Variants in ELMO1 observed in about 807,000 individuals in gnomAD.
The protein encoded by ELMO1 is engulfment and cell motility 1, also known as engulfment and cell motility protein 1.
Under a neutral mutation model 98.9 loss-of-function variants are expected in ELMO1, and 26 were observed. The observed-to-expected ratio is 0.26, with a 90% confidence interval of 0.19 to 0.36. The LOEUF is 0.36. Among genes scored for constraint, ELMO1 ranks in the 10% least tolerant of loss-of-function variants. The pLI is 1.00. For missense variants in ELMO1, 627 were observed against 935.2 expected (o/e 0.67, Z 4.30); for synonymous variants, 346 against 346.0 (o/e 1.00, Z 0.00).
intron 4 of ELMO1, among the ~76,000 whole-genome samples, chr7:37,294,967 C>A (rs371722722): frequency 6.6e-6 from 1 of 151,390 alleles, no homozygotes; most frequent in Non-Finnish European, 1.5e-5. Context: ...CCATCGCACT[C>A]CAGCCTGGGC....
rs745430226 is a variant in ELMO1 at position 37,342,685 on chromosome 7, C to T, written c.6G>A (p.Pro2=). The T allele has an allele frequency of 1.3e-5, 21 of 1,609,270 alleles. No homozygotes were observed. The highest frequency in any genetic ancestry group is 3.3e-5 in the South Asian group (3 of 90,512). The change falls in exon 2 of 22, where the codon CCG becomes CCA. Residue 2 remains proline (P), a synonymous_variant. Coordinates refer to ENST00000310758, the MANE Select transcript of ELMO1 (RefSeq NM_014800.11). This position sits in a 1 kb window ranked among gnomAD's most constrained non-coding sequence, Gnocchi z 4.3. M[P]PPADIVKVAI... Reference sequence around the variant, plus strand: ...CCACCTTGACGATGTCCGCGGGTGGCGGCATTGTAAGTCCCCAAAATGTTC... The same window carrying T: ...CCACCTTGACGATGTCCGCGGGTGGTGGCATTGTAAGTCCCCAAAATGTTC...
intron 20 of ELMO1, among the ~76,000 whole-genome samples, chr7:36,864,673 C>G (rs1317298101): frequency 1.3e-5 from 2 of 152,186 alleles, no homozygotes; most frequent in African/African-American, 4.8e-5. Flanking sequence ...GGAGAAGGCG[C>G]CAGGTGGTGG....
intron 2 of ELMO1, among the ~76,000 whole-genome samples, chr7:37,341,430 G>A (rs560697494): frequency 2.0e-5 from 3 of 152,226 alleles, no homozygotes; most frequent in South Asian, 2.1e-4. Flanking sequence ...AAATATATCC[G>A]AAACTATTAG....
At chr7:37,155,704 G>GACTCCC (rs1788711449) in intron 13 of ELMO1, among the ~76,000 whole-genome samples, 2 of 152,178 alleles carry the variant, frequency 1.3e-5, no homozygotes, top group South Asian at 4.2e-4. Context: ...AAGAGACTCA[G>GACTCCC]ACTCCCACTA....
intron 14 of ELMO1, among the ~76,000 whole-genome samples, chr7:37,129,445 G>T (rs1786753331): frequency 6.6e-6 from 1 of 152,204 alleles, no homozygotes; most frequent in Admixed American, 6.5e-5. Flanking sequence ...AGATCTCACT[G>T]CCTACGGCAT....
At chr7:36,895,140 T>TGC in intron 16 of ELMO1, 123 bp from the exon 17 acceptor site, 4 of 1,078,324 alleles carry the variant, frequency 3.7e-6, no homozygotes, top group Non-Finnish European at 5.3e-6. Context: ...AGCATTAACC[T>TGC]TGAGCATGCT....
At chr7:37,211,189 T>C (rs1584814462) in intron 13 of ELMO1, 197 bp downstream of exon 13, 3 of 685,618 alleles carry the variant, frequency 4.4e-6, no homozygotes, top group East Asian at 5.8e-5. Flanking sequence ...GTCACACTTG[T>C]GCAAGTTATT....
At chr7:36,957,925 C>T (rs1429174810) in intron 16 of ELMO1, among the ~76,000 whole-genome samples, 1 of 152,198 alleles carries the variant, frequency 6.6e-6, no homozygotes, top group Non-Finnish European at 1.5e-5. Context: ...CCCTCCAGAT[C>T]CTGTCTCTTT....
At position 37,233,090 on chromosome 7, in the gene ELMO1, C is replaced by A. The variant is rs1794272000; in HGVS notation, c.549+5G>T. On this transcript the variant is annotated splice_donor_5th_base_variant and intron_variant, in intron 8 of 21. Transcript: ENST00000310758. ...GAAAGCCTAAAGAGGCAGAGTCCAC[C>A]TTACCTTCTTAATGAACGCCACCGA... is the stretch of plus-strand genomic sequence containing the variant. 6.2e-7 allele frequency: 1 copy of A among 1,612,286 alleles called. No individual in the cohort carries two copies. The highest frequency in any genetic ancestry group is 8.5e-7 in the Non-Finnish European group (1 of 1,179,200).
At chr7:37,187,725 G>A (rs1420426) in intron 13 of ELMO1, among the ~76,000 whole-genome samples, 79,135 of 151,836 alleles carry the variant, frequency 0.52, 22,146 homozygotes, top group East Asian at 0.65. Context: ...ATACAAGGCC[G>A]CAGGTGCACT....
At chr7:37,075,451 G>T (rs554686628) in intron 15 of ELMO1, among the ~76,000 whole-genome samples, 42 of 151,988 alleles carry the variant, frequency 2.8e-4, no homozygotes, top group African/African-American at 9.4e-4. Context: ...CACCACGCCC[G>T]GCCTCATTAG....
intron 15 of ELMO1, among the ~76,000 whole-genome samples, chr7:37,073,688 AC>A (rs1562983152): frequency 6.6e-6 from 1 of 151,610 alleles, no homozygotes; most frequent in African/African-American, 2.4e-5. Context: ...ATCATAGTTC[AC>A]TGTGATGCTT....
At chr7:37,268,952 G>A (rs1353533702) in intron 5 of ELMO1, among the ~76,000 whole-genome samples, 6 of 152,258 alleles carry the variant, frequency 3.9e-5, no homozygotes, top group Admixed American at 6.5e-5. Context: ...ACGCGCAGGC[G>A]TGTGTGTGCC....
intron 16 of ELMO1, among the ~76,000 whole-genome samples, chr7:36,962,238 G>A (rs1289422047): frequency 6.6e-6 from 1 of 152,210 alleles, no homozygotes; most frequent in Non-Finnish European, 1.5e-5. Flanking sequence ...CACAGGGGAA[G>A]TTTAAAGAAT....
chr7:37,073,587 T>TGC (rs2129226990), intron 15 of ELMO1, among the ~76,000 whole-genome samples: 1 of 151,600 alleles, frequency 6.6e-6, no homozygotes, highest in African/African-American at 2.4e-5. Flanking sequence ...TGTGTGTGTG[T>TGC]GTGTGTGCAT....
At chr7:36,902,817 G>A (rs1274966593) in intron 16 of ELMO1, among the ~76,000 whole-genome samples, 1 of 152,142 alleles carries the variant, frequency 6.6e-6, no homozygotes, top group African/African-American at 2.4e-5. Context: ...GAGTTTTCAG[G>A]AGTGGTGGGA....
At chr7:36,895,431 T>C (rs780858206) in intron 16 of ELMO1, among the ~76,000 whole-genome samples, 3 of 152,174 alleles carry the variant, frequency 2.0e-5, no homozygotes, top group Admixed American at 6.5e-5. Flanking sequence ...TACAATTAAC[T>C]GTGGAAGTTT....
chr7:36,950,129 C>A (rs543848804), intron 16 of ELMO1, among the ~76,000 whole-genome samples: 1 of 135,854 alleles, frequency 7.4e-6, no homozygotes, highest in African/African-American at 2.7e-5. Context: ...TAAACAGACA[C>A]AGAAAACAAG....
chr7:36,928,908 G>A (rs12386624), intron 16 of ELMO1, among the ~76,000 whole-genome samples: 74,211 of 152,078 alleles, frequency 0.49, 18,766 homozygotes, highest in Non-Finnish European at 0.56. Flanking sequence ...CCCACAACAA[G>A]GGACCAGAAA....
Sources: allele counts gnomAD v4.1 joint callset (sites outside exome capture counted in the v4.1 genomes callset), GRCh38; gene constraint gnomAD v4.1.1; non-coding constraint Gnocchi (gnomAD v3.1); transcripts MANE v1.5; gene names NCBI Gene and HGNC (gene_info 2026-07-23, HGNC 2026-07-21).